The following FGF13 variants were observed in gnomAD, a reference collection of about 807,000 sequenced individuals.
FGF13 encodes fibroblast growth factor 13, also known as fibroblast growth factor homologous factor 2.
In FGF13, 2 loss-of-function variants were observed where a neutral mutation model predicts 19.5. That is an observed-to-expected ratio of 0.10 (90% confidence interval 0.04 to 0.32). The LOEUF is 0.32. FGF13 is among the 10% of genes least tolerant of loss of function. The pLI is 1.00. For synonymous variants in FGF13, 72 were observed against 76.9 expected (o/e 0.94, Z 0.33); for missense variants, 113 against 192.7 (o/e 0.59, Z 2.45).
intron 1 of FGF13, among the ~76,000 whole-genome samples, chrX:138,724,828 A>G (rs1195396646): frequency 9.0e-6 from 1 of 111,499 alleles, no homozygotes; most frequent in East Asian, 2.8e-4. Flanking sequence ...TTAGTGGAAA[A>G]CCTGGTGAAA....
intron 2 of FGF13, among the ~76,000 whole-genome samples, chrX:138,861,994 C>G (rs1022774945): frequency 9.0e-6 from 1 of 111,676 alleles, no homozygotes; most frequent in Non-Finnish European, 1.9e-5. Flanking sequence ...CAGAGTGAGA[C>G]GCCATCTCAA....
chrX:138,740,763 T>G (rs1268395989), upstream of FGF13, among the ~76,000 whole-genome samples: 3 of 112,344 alleles, frequency 2.7e-5, no homozygotes, highest in African/African-American at 9.7e-5. Flanking sequence ...AGGGCCATGC[T>G]CTGAGAAGGG....
At chrX:138,921,971 CA>C (rs35464038) in intron 1 of FGF13, among the ~76,000 whole-genome samples, 4,776 of 67,433 alleles carry the variant, frequency 0.071, 358 homozygotes, top group African/African-American at 0.22. Flanking sequence ...TTATGGAACT[CA>C]AAAAAAAAAA....
chrX:138,772,418 C>CT (rs1157167874), intron 3 of FGF13, among the ~76,000 whole-genome samples: 1 of 109,953 alleles, frequency 9.1e-6, no homozygotes, highest in African/African-American at 3.3e-5. Flanking sequence ...GTACCTTGAA[C>CT]TTTACCCTCA....
chrX:138,833,675 C>T (rs1286453799), intron 3 of FGF13, among the ~76,000 whole-genome samples: 1 of 111,618 alleles, frequency 9.0e-6, no homozygotes, highest in African/African-American at 3.3e-5. Flanking sequence ...ATTGCTCTGG[C>T]CGAGACGTCC....
At chrX:139,097,530 C>T (rs1023828090) in intron 1 of FGF13, among the ~76,000 whole-genome samples, 3 of 106,313 alleles carry the variant, frequency 2.8e-5, no homozygotes, top group African/African-American at 1.0e-4. Context: ...CATGTACTCC[C>T]TGAATTTAAA....
intron 3 of FGF13, among the ~76,000 whole-genome samples, chrX:138,844,834 G>A (rs1469733624): frequency 1.8e-5 from 2 of 111,558 alleles, no homozygotes; most frequent in Admixed American, 9.6e-5. Context: ...CTGAATGTGT[G>A]TTACCAGCAT....
At chrX:138,788,471 C>T (rs745401056) in intron 3 of FGF13, among the ~76,000 whole-genome samples, 1 of 112,315 alleles carries the variant, frequency 8.9e-6, no homozygotes, top group Non-Finnish European at 1.9e-5. Context: ...CTCTGGGTAT[C>T]CCATACGTCA....
In FGF13 at chrX:139,093,762, G is replaced by A. The variant is rs773136050; in HGVS notation, c.-113+109654C>T. Among the ~76,000 whole-genome samples the A allele has an allele frequency of 1.3e-3, 150 of 111,885 alleles. 2 individuals carry two copies. Among genetic ancestry groups the A allele is most frequent in the African/African-American group, 4.7e-3 (144 of 30,807 alleles). The stretch of plus-strand genomic sequence containing the variant: ...CTCAGGACGCTGGGCTTAGGAACAC[G>A]TGCAAGAGTACAACAGTATCTCTGC... On this transcript the variant is annotated intron_variant, in intron 1 of 2. Transcript: ENST00000421460.
chrX:139,085,267 C>A (rs756227370), intron 1 of FGF13, among the ~76,000 whole-genome samples: 68 of 112,003 alleles, frequency 6.1e-4, no homozygotes, highest in South Asian at 1.1e-3. Context: ...ACCCAAAAGA[C>A]CAAAGTAAAA....
exon 1 of FGF13, chrX:139,203,433 C>T (rs1312072646): frequency 2.9e-5 from 3 of 102,178 alleles, no homozygotes; most frequent in Non-Finnish European, 4.0e-5. Flanking sequence ...CGCGGCGTGT[C>T]GAAGGGTGCA....
At chrX:139,050,124 A>G (rs937080330) in intron 1 of FGF13, among the ~76,000 whole-genome samples, 1 of 111,421 alleles carries the variant, frequency 9.0e-6, no homozygotes, top group Middle Eastern at 4.2e-3. Flanking sequence ...CCTGCTCTCA[A>G]GGCACTCTAA....
chrX:139,081,052 C>T (rs776477940), intron 1 of FGF13, among the ~76,000 whole-genome samples: 8 of 111,025 alleles, frequency 7.2e-5, no homozygotes, highest in Non-Finnish European at 1.5e-4. Flanking sequence ...CTTTAGAAAA[C>T]AACTCTTTGA....
intron 1 of FGF13, among the ~76,000 whole-genome samples, chrX:139,047,440 G>A (rs1345841930): frequency 1.8e-5 from 2 of 108,317 alleles, no homozygotes; most frequent in East Asian, 5.7e-4. Flanking sequence ...GGGTACATGT[G>A]CACATTGTGC....
At chrX:138,796,832 T>C (rs184159102) in intron 3 of FGF13, among the ~76,000 whole-genome samples, 2 of 112,519 alleles carry the variant, frequency 1.8e-5, no homozygotes, top group Admixed American at 1.9e-4. Context: ...TTTTTTCATA[T>C]GTTTGTTGGC....
chrX:139,170,417 G>T (rs913086720), intron 1 of FGF13, among the ~76,000 whole-genome samples: 1 of 111,536 alleles, frequency 9.0e-6, no homozygotes, highest in African/African-American at 3.3e-5. Flanking sequence ...TCTGGTCTTT[G>T]CCCTCTTCCT....
intron 3 of FGF13, among the ~76,000 whole-genome samples, chrX:138,677,265 G>A (rs2089678824): frequency 9.0e-6 from 1 of 110,962 alleles, no homozygotes; most frequent in African/African-American, 3.3e-5. Context: ...ACACAGGCAT[G>A]GGCAAGGACT....
At chrX:139,071,379 T>A (rs1361873824) in intron 1 of FGF13, among the ~76,000 whole-genome samples, 1 of 112,085 alleles carries the variant, frequency 8.9e-6, no homozygotes, top group Non-Finnish European at 1.9e-5. Flanking sequence ...TACATAATAC[T>A]TAACTTTGAA....
At chrX:139,010,188 G>T (rs2092122097) in intron 1 of FGF13, among the ~76,000 whole-genome samples, 2 of 111,040 alleles carry the variant, frequency 1.8e-5, no homozygotes, top group Non-Finnish European at 3.8e-5. Context: ...GAGATAGATG[G>T]CAACACAATA....
Sources: allele counts gnomAD v4.1 joint callset (sites outside exome capture counted in the v4.1 genomes callset), GRCh38; gene constraint gnomAD v4.1.1; transcripts MANE v1.5; gene names NCBI Gene and HGNC (gene_info 2026-07-23, HGNC 2026-07-21).